The following NRXN1 variants were observed in gnomAD, a reference collection of about 807,000 sequenced individuals.
NRXN1 encodes the protein neurexin 1.
In NRXN1, 39 loss-of-function variants were observed where a neutral mutation model predicts 150.9. The observed-to-expected ratio is 0.26, with a 90% confidence interval of 0.20 to 0.34. The LOEUF is 0.34. NRXN1 is among the 10% of genes least tolerant of loss of function. NRXN1 has a pLI of 1.00. For missense variants in NRXN1, 1,815 were observed against 1,949.9 expected (o/e 0.93, Z 1.30); for synonymous variants, 924 against 757.0 (o/e 1.22, Z -3.62).
At chr2:51,009,910 C>A (rs1410928318) in intron 2 of NRXN1, among the ~76,000 whole-genome samples, 1 of 151,852 alleles carries the variant, frequency 6.6e-6, no homozygotes, top group African/African-American at 2.4e-5. Context: ...ATTATTCAAT[C>A]TGACACACGA....
At chr2:50,017,676 T>G (rs1686883982) in intron 21 of NRXN1, among the ~76,000 whole-genome samples, 1 of 122,330 alleles carries the variant, frequency 8.2e-6, no homozygotes, top group African/African-American at 3.1e-5. Context: ...TTTTTTTTTT[T>G]TGGATTTACA....
intron 2 of NRXN1, among the ~76,000 whole-genome samples, chr2:51,011,969 A>G (rs2105198491): frequency 6.6e-6 from 1 of 152,124 alleles, no homozygotes; most frequent in East Asian, 2.0e-4. Flanking sequence ...CACAGAAAGC[A>G]TGTGATTAAT....
chr2:50,852,188 G>A (rs1024691535), intron 5 of NRXN1, among the ~76,000 whole-genome samples: 8 of 152,136 alleles, frequency 5.3e-5, no homozygotes, highest in Non-Finnish European at 1.2e-4. Flanking sequence ...GATTTGACCA[G>A]GCAAAAGGCA....
rs1004754555 is a variant in NRXN1, at chr2:50,887,111, G to A, written c.832+34758C>T. Among the ~76,000 whole-genome samples the A allele has an allele frequency of 2.4e-4, 37 of 151,378 alleles. 1 individual carries two copies. Among genetic ancestry groups the A allele is most frequent in the Admixed American group, 1.3e-4 (2 of 15,140 alleles). On this transcript the variant is annotated intron_variant, in intron 5 of 22. Coordinates refer to ENST00000401669, the MANE Select transcript of NRXN1 (RefSeq NM_001330078.2). ...GCAATAAAATTATCTCAGAATGCAA[G>A]TTACTAGTTTTATTTTATTCACTTT...
chr2:50,171,371 A>T (rs772748571), intron 18 of NRXN1, among the ~76,000 whole-genome samples: 6 of 152,150 alleles, frequency 3.9e-5, no homozygotes, highest in Non-Finnish European at 8.8e-5. Context: ...TCTATTTCAT[A>T]TCAGTTCTAG....
At chr2:50,427,241 A>C (rs2084566818) in intron 17 of NRXN1, among the ~76,000 whole-genome samples, 2 of 152,202 alleles carry the variant, frequency 1.3e-5, no homozygotes, top group Non-Finnish European at 1.5e-5. Context: ...TCAGCTTGTA[A>C]ATACATAAAG....
At chr2:50,017,139 G>C (rs1477151022) in intron 21 of NRXN1, among the ~76,000 whole-genome samples, 1 of 152,126 alleles carries the variant, frequency 6.6e-6, no homozygotes, top group East Asian at 1.9e-4. Context: ...TTTTAGGCCT[G>C]CTGTACAATA....
chr2:50,729,955 G>C (rs1463498131), intron 5 of NRXN1, among the ~76,000 whole-genome samples: 1 of 152,186 alleles, frequency 6.6e-6, no homozygotes. Flanking sequence ...GCTTCTGAGT[G>C]AGAGAGATTT....
chr2:50,551,100 A>AG (rs1250403988), intron 9 of NRXN1, among the ~76,000 whole-genome samples: 52 of 101,074 alleles, frequency 5.1e-4, no homozygotes, highest in East Asian at 6.3e-4. Flanking sequence ...GAGGAGGAGG[A>AG]GGAGGGAGGG....
At position 50,900,946 on chromosome 2, in the gene NRXN1, C is replaced by CAT. The variant is rs757519754; in HGVS notation, c.832+20921_832+20922dup. On this transcript the variant is annotated intron_variant, in intron 5 of 22. Transcript: ENST00000401669. ...TTACCTCTTCAATTCTCTCAAATGTCATGCTGCCAGTGAAGGCCTTACCTG... is the reference window on the plus strand; with the variant it reads ...TTACCTCTTCAATTCTCTCAAATGTCATATGCTGCCAGTGAAGGCCTTACCTG... Among the ~76,000 whole-genome samples, 12 of 152,152 alleles carry CAT rather than the reference C, an allele frequency of 7.9e-5. No homozygotes were observed. The East Asian group carries it at 1.2e-3, about 15-fold the overall frequency.
intron 8 of NRXN1, among the ~76,000 whole-genome samples, chr2:50,578,055 A>G (rs1192518789): frequency 3.3e-5 from 5 of 152,142 alleles, no homozygotes; most frequent in African/African-American, 1.2e-4. Flanking sequence ...ATAATGTTAC[A>G]AAACCATTAA....
chr2:50,535,876 C>T (rs961362855), intron 10 of NRXN1, among the ~76,000 whole-genome samples: 2 of 152,054 alleles, frequency 1.3e-5, no homozygotes, highest in Non-Finnish European at 2.9e-5. Context: ...TTTTTAATTA[C>T]TTTGAATAAT....
chr2:49,923,841 G>T (rs966585601), intron 22 of NRXN1, among the ~76,000 whole-genome samples: 1 of 152,186 alleles, frequency 6.6e-6, no homozygotes, highest in Non-Finnish European at 1.5e-5. Flanking sequence ...ATGTTCTGGT[G>T]CTACAAAATG....
intron 21 of NRXN1, among the ~76,000 whole-genome samples, chr2:49,983,211 T>C (rs1426380036): frequency 1.3e-5 from 2 of 152,164 alleles, no homozygotes; most frequent in Non-Finnish European, 2.9e-5. Flanking sequence ...ATTTCTTTTC[T>C]TTTTCCTAGA....
chr2:50,624,057 A>C (rs1472849704), intron 5 of NRXN1, among the ~76,000 whole-genome samples: 2 of 152,052 alleles, frequency 1.3e-5, no homozygotes, highest in Non-Finnish European at 2.9e-5. Flanking sequence ...TCCTTGAGAT[A>C]GTTTGCTGAG....
intron 17 of NRXN1, among the ~76,000 whole-genome samples, chr2:50,418,954 A>C (rs2083761547): frequency 6.6e-6 from 1 of 152,048 alleles, no homozygotes; most frequent in Non-Finnish European, 1.5e-5. Context: ...TATCATTTAA[A>C]TCATATTTTT....
intron 5 of NRXN1, among the ~76,000 whole-genome samples, chr2:50,644,886 TTC>T (rs1684599218): frequency 1.4e-5 from 2 of 145,828 alleles, no homozygotes; most frequent in East Asian, 3.9e-4. Context: ...GTATTTATAT[TTC>T]TTTTTCAAAT....
chr2:50,094,199 A>G (rs1468714442), intron 18 of NRXN1, among the ~76,000 whole-genome samples: 1 of 152,234 alleles, frequency 6.6e-6, no homozygotes, highest in Non-Finnish European at 1.5e-5. Flanking sequence ...ATAAGTCAAA[A>G]ACACATTACT....
intron 19 of NRXN1, among the ~76,000 whole-genome samples, chr2:50,084,219 G>T (rs866934583): frequency 1.6e-4 from 24 of 152,224 alleles, no homozygotes; most frequent in African/African-American, 4.8e-4. Flanking sequence ...CTGCCTGCCA[G>T]TCCGGCGCCA....
Sources: gnomAD v4.1 joint callset for allele counts (sites outside exome capture counted in the v4.1 genomes callset) on GRCh38, gnomAD v4.1.1 for gene constraint, MANE v1.5 for transcripts, NCBI Gene and HGNC (gene_info 2026-07-23, HGNC 2026-07-21) for gene names.